Variants in NPL observed in about 807,000 individuals in gnomAD.
The protein encoded by NPL is N-acetylneuraminate lyase.
NPL carries 32 observed loss-of-function variants against 41.1 expected under a neutral mutation model. That is an observed-to-expected ratio of 0.78 (90% CI 0.59 to 1.05). The LOEUF (loss-of-function observed/expected upper bound fraction) is 1.05. Among genes scored for constraint, NPL ranks in the 50% least tolerant of loss-of-function variants. NPL has a pLI of 0.00. For missense variants in NPL, 321 were observed against 378.4 expected, an observed-to-expected ratio of 0.85 and a Z score of 1.26; for synonymous variants, 128 against 134.9, an observed-to-expected ratio of 0.95 and a Z score of 0.35.
At chr1:182,794,491 G>A (rs1183831077) in intron 3 of NPL, 52 bp downstream of exon 3, 1 of 1,557,368 alleles carries the variant, frequency 6.4e-7, no homozygotes, top group Non-Finnish European at 8.9e-7. Flanking sequence ...AACCAAAAAG[G>A]AGAGAAGTTC....
chr1:182,809,144 A>C, intron 5 of NPL: 1 of 390,536 alleles, frequency 2.6e-6, no homozygotes, highest in South Asian at 1.9e-5. Context: ...TAACCCTGTC[A>C]TAAGTCAGGG....
At chr1:182,807,718 T>TAAA (rs1667058350) in intron 5 of NPL, among the ~76,000 whole-genome samples, 1 of 39,208 alleles carries the variant, frequency 2.6e-5, no homozygotes, top group African/African-American at 1.0e-4. Context: ...CTACTAAAAA[T>TAAA]ACAAAAAAAA....
chr1:182,816,697 T>C lies in NPL; in HGVS notation c.365-17T>C, dbSNP rs1451072565. The C allele has an allele frequency of 6.3e-7, 1 of 1,587,254 alleles. No homozygotes were observed. Among genetic ancestry groups the C allele is most frequent in the East Asian group, 2.2e-5 (1 of 44,746 alleles). On this transcript the variant is annotated splice_polypyrimidine_tract_variant and intron_variant, in intron 7 of 12. Transcript: ENST00000367553. ...TTACACCTGTTCACACCATGACTGT[T>C]CCTACTGTTCTTTCAGATATCCTGA...
intron 4 of NPL, 107 bp from the exon 5 acceptor site, chr1:182,806,038 T>A: frequency 7.6e-7 from 1 of 1,323,588 alleles, no homozygotes; most frequent in African/African-American, 1.4e-5. Flanking sequence ...CATTTTCCCC[T>A]CCTGACCATC....
In NPL at chr1:182,829,760, GTTA is replaced by G. The variant is rs1667720762; in HGVS notation, c.*857_*859del. ...TTCTGCAGTGAGCCCAGGGGCTAAT[GTTA>G]TTATCCTGTCACACTTGCAACTAGT... On this transcript the variant is annotated 3_prime_UTR_variant, in exon 13 of 13. Transcript: ENST00000367553. The G allele has an allele frequency of 3.5e-6, 3 of 863,354 alleles. No homozygotes were observed. The highest frequency in any genetic ancestry group is 2.3e-5 in the Admixed American group (1 of 43,160). The allele number at this position is 863,354 out of a possible 1,614,324, so 53.5% of individuals were successfully genotyped here.
At position 182,809,315 on chromosome 1, in the gene NPL, G is replaced by A. The variant is rs150014178; in HGVS notation, c.231-2841G>A. 368 of 382,582 alleles carry A rather than the reference G, an allele frequency of 9.6e-4. 2 individuals are homozygous for A. The highest frequency in any genetic ancestry group is 7.2e-3 in the African/African-American group (337 of 47,024). The allele number at this position is 382,582 out of a possible 1,614,324, so 23.7% of individuals were successfully genotyped here. On this transcript the variant is annotated intron_variant, in intron 5 of 12. Transcript: ENST00000367553. ...GCACTTTGGGAGGCCAAGGTAGGCA[G>A]ATCACCTGAGGTCAGAAGTTTGAGA... is the stretch of plus-strand genomic sequence containing the variant.
chr1:182,814,175 G>C lies in NPL; in HGVS notation c.289-608G>C, dbSNP rs925293193. Among the ~76,000 whole-genome samples, 6 of 152,196 alleles carry C rather than the reference G, an allele frequency of 3.9e-5. No individual in the cohort carries two copies. The East Asian group carries it at 1.2e-3, about 29-fold the overall frequency. On this transcript the variant is annotated intron_variant, in intron 6 of 12. Transcript: ENST00000367553. ...CCTGCCCTGAGGGACTTACACTCTA[G>C]TTGGAGGACAGTCACCATACACAAC... is the stretch of plus-strand genomic sequence containing the variant.
Position 182,794,342 on chromosome 1 carries a change from T to C in NPL, c.-16-14T>C, listed in dbSNP as rs1666597208. The C allele has an allele frequency of 6.2e-7, 1 of 1,605,740 alleles. No individual in the cohort carries two copies. Among genetic ancestry groups the C allele is most frequent in the Admixed American group, 1.7e-5 (1 of 60,002 alleles). The stretch of plus-strand genomic sequence containing the variant: ...CCTTGAAGAAAGAGAGAAATTACAT[T>C]GTATGTTTTCCAGACCTACCAGCAG... On this transcript the variant is annotated splice_polypyrimidine_tract_variant and intron_variant, in intron 2 of 12. Coordinates refer to ENST00000367553, the MANE Select transcript of NPL (RefSeq NM_030769.3).
intron 3 of NPL, among the ~76,000 whole-genome samples, chr1:182,803,490 A>T: frequency 6.6e-6 from 1 of 152,210 alleles, no homozygotes; most frequent in South Asian, 2.1e-4. Flanking sequence ...TGCTCACAGA[A>T]GTGAGGCATA....
intron 9 of NPL, 51 bp from the exon 10 acceptor site, chr1:182,818,762 C>T: frequency 6.2e-7 from 1 of 1,613,504 alleles, no homozygotes; most frequent in Non-Finnish European, 8.5e-7. Context: ...ATAGTAGCAT[C>T]TCTTCTCTTT....
intron 5 of NPL, among the ~76,000 whole-genome samples, chr1:182,808,076 C>A (rs1268240377): frequency 6.6e-6 from 1 of 152,004 alleles, no homozygotes; most frequent in African/African-American, 2.4e-5. Context: ...GAGTTAGAGG[C>A]CCAGCTCTGC....
chr1:182,792,028 A>T (rs1269720156), intron 1 of NPL, among the ~76,000 whole-genome samples: 1 of 152,220 alleles, frequency 6.6e-6, no homozygotes, highest in African/African-American at 2.4e-5. Flanking sequence ...AGGCACTAGC[A>T]GAGCAGAGAT....
intron 3 of NPL, among the ~76,000 whole-genome samples, chr1:182,801,751 A>C (rs1666853382): frequency 6.6e-6 from 1 of 152,064 alleles, no homozygotes; most frequent in Non-Finnish European, 1.5e-5. Flanking sequence ...CAAGAGAATC[A>C]CTTGAGCCCA....
At chr1:182,797,082 C>T (rs543333417) in intron 3 of NPL, among the ~76,000 whole-genome samples, 6 of 150,104 alleles carry the variant, frequency 4.0e-5, no homozygotes, top group African/African-American at 7.4e-5. Flanking sequence ...GGAAGTTCAA[C>T]CACATTATCT....
chr1:182,814,276 A>G (rs1276629033), intron 6 of NPL, among the ~76,000 whole-genome samples: 2 of 152,256 alleles, frequency 1.3e-5, no homozygotes, highest in African/African-American at 2.4e-5. Context: ...GCAAGAGGAA[A>G]TGTTACTTTT....
intron 7 of NPL, among the ~76,000 whole-genome samples, chr1:182,816,410 G>T (rs1667332427): frequency 1.3e-5 from 2 of 149,168 alleles, no homozygotes; most frequent in South Asian, 2.1e-4. Flanking sequence ...AGTCTCACAT[G>T]ATGGACTTGT....
At chr1:182,795,972 T>C (rs1025120062) in intron 3 of NPL, 2 of 152,110 alleles carry the variant, frequency 1.3e-5, no homozygotes, top group African/African-American at 4.8e-5. Flanking sequence ...CCACGGACAA[T>C]GTCAGTGTGT....
chr1:182,807,969 A>G (rs1375010329), intron 5 of NPL, among the ~76,000 whole-genome samples: 4 of 149,788 alleles, frequency 2.7e-5, no homozygotes, highest in African/African-American at 9.9e-5. Context: ...CTCAGAGGGT[A>G]GGAGGCCAGT....
At chr1:182,793,633 G>A (rs560489656) in intron 2 of NPL, among the ~76,000 whole-genome samples, 1 of 152,238 alleles carries the variant, frequency 6.6e-6, no homozygotes, top group African/African-American at 2.4e-5. Flanking sequence ...TAGGAAAACT[G>A]GACAAAACTG....
Sources: gnomAD v4.1 joint callset for allele counts (sites outside exome capture counted in the v4.1 genomes callset) on GRCh38, gnomAD v4.1.1 for gene constraint, MANE v1.5 for transcripts, NCBI Gene and HGNC (gene_info 2026-07-23, HGNC 2026-07-21) for gene names.